Variants in INPP5D observed in about 807,000 individuals in gnomAD.
The protein encoded by INPP5D is inositol polyphosphate-5-phosphatase D.
In INPP5D, 33 loss-of-function variants were observed where a neutral mutation model predicts 122.9. The ratio of observed to expected loss-of-function variants is 0.27; its 90% CI spans 0.20 to 0.36. The LOEUF (loss-of-function observed/expected upper bound fraction) is 0.36. INPP5D is among the 10% of genes least tolerant of loss of function. The probability of loss-of-function intolerance (pLI) is 1.00; values close to 1 mark genes in which losing one functional copy is unlikely to be tolerated. For missense variants in INPP5D, 1,053 were observed against 1,412.7 expected, an observed-to-expected ratio of 0.75 and a Z score of 4.08; for synonymous variants, 584 against 576.2, an observed-to-expected ratio of 1.01 and a Z score of -0.19.
intron 5 of INPP5D, chr2:233,130,968 G>C (rs1015895842): frequency 2.0e-6 from 1 of 492,616 alleles, no homozygotes; most frequent in African/African-American, 1.9e-5. Flanking sequence ...TAAGATTTTT[G>C]CTGCTGCTCT....
At chr2:233,061,413 G>A (rs1275071512) in intron 1 of INPP5D, among the ~76,000 whole-genome samples, 8 of 152,094 alleles carry the variant, frequency 5.3e-5, no homozygotes, top group Non-Finnish European at 1.2e-4. Context: ...TCTAATCATA[G>A]GGGGGCCTTG....
At chr2:233,077,871 AAAAAAATCT>A (rs940843574) in intron 1 of INPP5D, among the ~76,000 whole-genome samples, 2 of 151,994 alleles carry the variant, frequency 1.3e-5, no homozygotes, top group Non-Finnish European at 2.9e-5. Context: ...AAAAAAAAAA[AAAAAAATCT>A]AGTTAAACAA....
intron 2 of INPP5D, among the ~76,000 whole-genome samples, chr2:233,114,569 G>A (rs531756665): frequency 3.3e-5 from 5 of 152,252 alleles, no homozygotes; most frequent in East Asian, 1.9e-4. Flanking sequence ...GGCCTGCACC[G>A]TCAGACTCCA....
intron 8 of INPP5D, among the ~76,000 whole-genome samples, chr2:233,147,218 G>T (rs1055519995): frequency 1.3e-5 from 2 of 152,160 alleles, no homozygotes; most frequent in African/African-American, 4.8e-5. Flanking sequence ...GTCTGTTTCC[G>T]CCAGCAAACC....
At chr2:233,201,736 A>G (rs1695345701) in intron 25 of INPP5D, among the ~76,000 whole-genome samples, 1 of 152,238 alleles carries the variant, frequency 6.6e-6, no homozygotes, top group Non-Finnish European at 1.5e-5. Context: ...TGGTGACCCC[A>G]GATCGAAGCT....
chr2:233,093,779 G>A (rs1202424303), intron 2 of INPP5D, among the ~76,000 whole-genome samples: 4 of 152,118 alleles, frequency 2.6e-5, no homozygotes, highest in Non-Finnish European at 5.9e-5. Context: ...ATTTTGGGGT[G>A]AAAAGATTTG....
intron 1 of INPP5D, among the ~76,000 whole-genome samples, chr2:233,070,667 T>C (rs1691354915): frequency 6.6e-6 from 1 of 152,028 alleles, no homozygotes; most frequent in South Asian, 2.1e-4. Context: ...GCTTTCAAAC[T>C]CCTGACCTTG....
intron 2 of INPP5D, among the ~76,000 whole-genome samples, chr2:233,097,676 C>G (rs1574722866): frequency 6.6e-6 from 1 of 152,120 alleles, no homozygotes; most frequent in Non-Finnish European, 1.5e-5. Context: ...AAATATCTGT[C>G]TGAATTCTCT....
At chr2:233,101,929 G>A (rs2106234429) in intron 2 of INPP5D, among the ~76,000 whole-genome samples, 1 of 152,048 alleles carries the variant, frequency 6.6e-6, no homozygotes, top group South Asian at 2.1e-4. Context: ...CTGAGCTTCA[G>A]TTTATTTATC....
intron 2 of INPP5D, among the ~76,000 whole-genome samples, chr2:233,094,934 C>T (rs1377031251): frequency 6.6e-6 from 1 of 152,182 alleles, no homozygotes; most frequent in Admixed American, 6.5e-5. Context: ...ATTTGTCCAA[C>T]AAGTCACATG....
chr2:233,108,491 C>G (rs1268633260), intron 2 of INPP5D, among the ~76,000 whole-genome samples: 1 of 152,228 alleles, frequency 6.6e-6, no homozygotes, highest in East Asian at 1.9e-4. Context: ...CACTTTCTTC[C>G]ACATCTGATG....
intron 18 of INPP5D, among the ~76,000 whole-genome samples, chr2:233,178,293 A>T (rs1027927840): frequency 4.6e-5 from 7 of 151,868 alleles, no homozygotes; most frequent in Admixed American, 1.3e-4. Flanking sequence ...ATGACTGTTA[A>T]CTCTTGACCC....
At chr2:233,147,717 C>T in intron 9 of INPP5D, 123 bp downstream of exon 9, 2 of 629,000 alleles carry the variant, frequency 3.2e-6, no homozygotes, top group Non-Finnish European at 2.9e-6. Flanking sequence ...CGCGCCTGCG[C>T]TCATGCTTTT....
intron 3 of INPP5D, 147 bp downstream of exon 3, chr2:233,122,404 T>C (rs9288685): frequency 0.48 from 381,784 of 800,920 alleles, 94,622 homozygotes; most frequent in Non-Finnish European, 0.49. Context: ...ACAGGCTCTC[T>C]GGTCAGGCAG....
In INPP5D at chr2:233,100,979, C is replaced by T. The variant is rs1692294050; in HGVS notation, c.199-21128C>T. On this transcript the variant is annotated intron_variant, in intron 2 of 26. Coordinates refer to ENST00000445964, the MANE Select transcript of INPP5D (RefSeq NM_001017915.3). This position sits in a 1 kb window ranked among gnomAD's most constrained non-coding sequence, Gnocchi z 5.3. ...CTGAACGGTAATCCCCTCCGTGTGC[C>T]CCCAACGAGTCATTCACCATCTTGT... Among the ~76,000 whole-genome samples the T allele has an allele frequency of 7.6e-6, 1 of 132,360 alleles. No homozygotes were observed. The highest frequency in any genetic ancestry group is 1.6e-5 in the Non-Finnish European group (1 of 63,318). 86.8% of individuals were successfully genotyped at this position (132,360 alleles called of 152,430 possible).
At chr2:233,080,551 G>T (rs1339728161) in intron 2 of INPP5D, among the ~76,000 whole-genome samples, 1 of 152,108 alleles carries the variant, frequency 6.6e-6, no homozygotes, top group Non-Finnish European at 1.5e-5. Context: ...AGTAGCCGGG[G>T]TCGACAAAGG....
chr2:233,074,258 G>A (rs1176690315), intron 1 of INPP5D, among the ~76,000 whole-genome samples: 1 of 152,172 alleles, frequency 6.6e-6, no homozygotes, highest in Non-Finnish European at 1.5e-5. Flanking sequence ...CAGAGGATGG[G>A]CTCCCTCCAA....
At chr2:233,115,154 AT>A (rs1262458830) in intron 2 of INPP5D, among the ~76,000 whole-genome samples, 2 of 152,230 alleles carry the variant, frequency 1.3e-5, no homozygotes, top group African/African-American at 4.8e-5. Context: ...AGCGTGAGCC[AT>A]CGCGCCTGGC....
At chr2:233,198,898 C>T (rs1435374936) in intron 25 of INPP5D, among the ~76,000 whole-genome samples, 2 of 149,532 alleles carry the variant, frequency 1.3e-5, no homozygotes, top group Admixed American at 6.8e-5. Flanking sequence ...TGCGGTGCGC[C>T]GAGATTGCGC....
Sources: allele counts gnomAD v4.1 joint callset (sites outside exome capture counted in the v4.1 genomes callset), GRCh38; gene constraint gnomAD v4.1.1; non-coding constraint Gnocchi (gnomAD v3.1); transcripts MANE v1.5; gene names NCBI Gene and HGNC (gene_info 2026-07-23, HGNC 2026-07-21).